ULK4: variants seen among roughly 807,000 people sequenced by gnomAD.
The protein encoded by ULK4 is inactive serine/threonine-protein kinase ULK4.
A neutral mutation model predicts 160.6 loss-of-function variants in ULK4; 133 were observed. The ratio of observed to expected loss-of-function variants is 0.83; its 90% CI spans 0.72 to 0.96. ULK4 has a LOEUF of 0.96. Ranked by LOEUF, ULK4 falls within the 40% of genes least tolerant of loss-of-function variation. The pLI is 0.00. For synonymous variants in ULK4, 534 were observed against 539.8 expected (o/e 0.99, Z 0.15); for missense variants, 1,580 against 1,499.5 (o/e 1.05, Z -0.89).
intron 34 of ULK4, among the ~76,000 whole-genome samples, chr3:41,411,326 A>G (rs1355420494): frequency 6.6e-6 from 1 of 151,936 alleles, no homozygotes; most frequent in Non-Finnish European, 1.5e-5. Context: ...AACATTTACA[A>G]TCTATTCTCT....
chr3:41,861,773 G>A (rs748910925), intron 17 of ULK4, among the ~76,000 whole-genome samples: 7 of 151,702 alleles, frequency 4.6e-5, no homozygotes, highest in African/African-American at 7.3e-5. Context: ...GGCCAATAAC[G>A]TTTAGACTTT....
At chr3:41,492,248 G>C (rs1428332755) in intron 32 of ULK4, among the ~76,000 whole-genome samples, 1 of 152,168 alleles carries the variant, frequency 6.6e-6, no homozygotes, top group African/African-American at 2.4e-5. Flanking sequence ...TATATACCCA[G>C]CAATGGGATG....
intron 25 of ULK4, among the ~76,000 whole-genome samples, chr3:41,710,104 C>CATAT (rs890731292): frequency 2.0e-5 from 3 of 151,498 alleles, no homozygotes; most frequent in Non-Finnish European, 2.9e-5. Flanking sequence ...GTCTTTTTCA[C>CATAT]ATATATATAT....
intron 14 of ULK4, among the ~76,000 whole-genome samples, chr3:41,898,093 T>G (rs1466520069): frequency 6.6e-6 from 1 of 152,120 alleles, no homozygotes; most frequent in East Asian, 1.9e-4. Flanking sequence ...CCCAACCCTG[T>G]GCACCTATAC....
chr3:41,763,561 T>C (rs2039061145), intron 21 of ULK4, among the ~76,000 whole-genome samples: 1 of 152,248 alleles, frequency 6.6e-6, no homozygotes, highest in African/African-American at 2.4e-5. Flanking sequence ...TGTCATATAA[T>C]ATTCCATTGT....
intron 32 of ULK4, among the ~76,000 whole-genome samples, chr3:41,525,130 A>G (rs2125935217): frequency 6.6e-6 from 1 of 152,260 alleles, no homozygotes; most frequent in Admixed American, 6.5e-5. Flanking sequence ...AGTCCATACG[A>G]CTACCCAACT....
At chr3:41,892,018 ATTTAC>A (rs1697986719) in intron 16 of ULK4, among the ~76,000 whole-genome samples, 2 of 152,232 alleles carry the variant, frequency 1.3e-5, no homozygotes, top group Non-Finnish European at 2.9e-5. Context: ...ATGGATGAGC[ATTTAC>A]TTTACCTTAT....
intron 32 of ULK4, among the ~76,000 whole-genome samples, chr3:41,473,695 T>C (rs1200286534): frequency 8.6e-6 from 1 of 116,526 alleles, no homozygotes; most frequent in East Asian, 2.5e-4. Context: ...GAAGAACTAA[T>C]AAATACAGTT....
intron 31 of ULK4, among the ~76,000 whole-genome samples, chr3:41,583,166 G>A (rs747752908): frequency 9.9e-5 from 15 of 152,164 alleles, no homozygotes; most frequent in African/African-American, 2.6e-4. Context: ...TCAGAGCTGC[G>A]GTGTGGCAGG....
intron 32 of ULK4, among the ~76,000 whole-genome samples, chr3:41,504,454 C>T (rs2085312957): frequency 6.6e-6 from 1 of 152,160 alleles, no homozygotes; most frequent in Non-Finnish European, 1.5e-5. Flanking sequence ...TCTGTTATGA[C>T]TCAGGCTTGC....
rs1445440817 is a variant in ULK4 at position 41,765,508 on chromosome 3, T to G, written c.2194-11020A>C. ...CCAACATAGCACATGTATACATATG[T>G]AACAAACCTGCAGGTTGTGCACATG... On this transcript the variant is annotated intron_variant, in intron 21 of 36. Transcript: ENST00000301831. Among the ~76,000 whole-genome samples, 8 of 152,316 alleles carry G rather than the reference T, an allele frequency of 5.3e-5. No homozygotes were observed. In the East Asian group the frequency reaches 1.3e-3, roughly 26 times the overall value.
chr3:41,548,502 C>A (rs1179860178), intron 32 of ULK4, among the ~76,000 whole-genome samples: 1 of 152,128 alleles, frequency 6.6e-6, no homozygotes, highest in African/African-American at 2.4e-5. Context: ...CCTGCCCTAT[C>A]CACCCACACA....
At chr3:41,678,468 G>A (rs776526424) in intron 29 of ULK4, among the ~76,000 whole-genome samples, 23 of 152,160 alleles carry the variant, frequency 1.5e-4, no homozygotes, top group African/African-American at 2.9e-4. Context: ...CCAAGTGGAT[G>A]AGAATAGGAG....
At chr3:41,558,703 C>CAAA (rs35292019) in intron 32 of ULK4, among the ~76,000 whole-genome samples, 2 of 138,834 alleles carry the variant, frequency 1.4e-5, no homozygotes, top group African/African-American at 2.7e-5. Context: ...GACTCCATCT[C>CAAA]AAAAAAAAAA....
At chr3:41,250,323 T>G (rs187737166) in intron 35 of ULK4, among the ~76,000 whole-genome samples, 1 of 152,240 alleles carries the variant, frequency 6.6e-6, no homozygotes. Context: ...CACCGTTGCC[T>G]CCTATTGTTA....
chr3:41,825,604 T>C (rs1436346701), intron 18 of ULK4, among the ~76,000 whole-genome samples: 1 of 151,650 alleles, frequency 6.6e-6, no homozygotes, highest in Non-Finnish European at 1.5e-5. Context: ...AGAAGAGAAG[T>C]TTAAACAAAA....
At chr3:41,500,203 C>T (rs2085145856) in intron 32 of ULK4, among the ~76,000 whole-genome samples, 1 of 148,214 alleles carries the variant, frequency 6.7e-6, no homozygotes. Context: ...TTATTATTTT[C>T]TTCCTTCTAC....
chr3:41,383,587 G>T (rs1445465841), intron 35 of ULK4, among the ~76,000 whole-genome samples: 1 of 152,128 alleles, frequency 6.6e-6, no homozygotes, highest in African/African-American at 2.4e-5. Flanking sequence ...TAAGCATCAG[G>T]AAAACGCCAT....
chr3:41,908,397 T>C (rs141561497), intron 11 of ULK4, among the ~76,000 whole-genome samples: 90 of 152,308 alleles, frequency 5.9e-4, no homozygotes, highest in African/African-American at 2.1e-3. Context: ...ATGCCTGCCA[T>C]ACCGTATGGG....
Sources: gnomAD v4.1 joint callset for allele counts (sites outside exome capture counted in the v4.1 genomes callset) on GRCh38, gnomAD v4.1.1 for gene constraint, MANE v1.5 for transcripts, NCBI Gene and HGNC (gene_info 2026-07-23, HGNC 2026-07-21) for gene names.